Variants in RORA observed in about 807,000 individuals in gnomAD.
The protein encoded by RORA is RAR related orphan receptor A.
A neutral mutation model predicts 69.5 loss-of-function variants in RORA; 7 were observed. That is an observed-to-expected ratio of 0.10 (90% confidence interval 0.06 to 0.19). The LOEUF is 0.19. Ranked by LOEUF, RORA falls within the 10% of genes least tolerant of loss-of-function variation. The pLI is 1.00. For missense variants in RORA, 457 were observed against 663.0 expected (o/e 0.69, Z 3.41); for synonymous variants, 261 against 240.8 (o/e 1.08, Z -0.78).
intron 5 of RORA, among the ~76,000 whole-genome samples, chr15:60,509,708 A>G (rs2065630982): frequency 6.6e-6 from 1 of 152,130 alleles, no homozygotes; most frequent in Admixed American, 6.5e-5. Flanking sequence ...TCATATCTGA[A>G]AATTGTACTT....
chr15:60,500,764 A>G (rs906191596), intron 9 of RORA, among the ~76,000 whole-genome samples, 195 bp downstream of exon 9: 2 of 152,172 alleles, frequency 1.3e-5, no homozygotes, highest in African/African-American at 4.8e-5. Context: ...GGTTTTCTCA[A>G]AAGAATATAT....
At position 60,613,890 on chromosome 15, in the gene RORA, C is replaced by T. The variant is rs340020; in HGVS notation, c.196+64767G>A. On this transcript the variant is annotated intron_variant, in intron 2 of 10. Coordinates refer to ENST00000335670, the MANE Select transcript of RORA (RefSeq NM_134261.3). Reference sequence around the variant, plus strand: ...ATGGGACAATAAATTTCTGCTGCAACCTCAGTAGCCTTTCTTTCAGACAAA... The same window carrying T: ...ATGGGACAATAAATTTCTGCTGCAATCTCAGTAGCCTTTCTTTCAGACAAA... Among the ~76,000 whole-genome samples, 1,045 of 151,606 alleles carry T rather than the reference C, an allele frequency of 6.9e-3. 11 individuals carry two copies. The highest frequency in any genetic ancestry group is 0.024 in the African/African-American group (998 of 41,232).
intron 5 of RORA, 117 bp from the exon 6 acceptor site, chr15:60,505,746 C>T: frequency 8.5e-7 from 1 of 1,180,998 alleles, no homozygotes. Flanking sequence ...CGAGTTTTGA[C>T]TGTCTTTACA....
Position 60,754,611 on chromosome 15 carries a change from A to G in RORA, c.167-75925T>C, listed in dbSNP as rs970031662. On this transcript the variant is annotated intron_variant, in intron 1 of 10. Coordinates refer to ENST00000335670, the MANE Select transcript of RORA (RefSeq NM_134261.3). The stretch of plus-strand genomic sequence containing the variant: ...TCCCTCATTCTTCAGGGACAACTCA[A>G]CTTCCACATCCTTGAGGATACATGT... Among the ~76,000 whole-genome samples the G allele has an allele frequency of 8.5e-5, 13 of 152,090 alleles. 1 individual carries two copies. Among genetic ancestry groups the G allele is most frequent in the African/African-American group, 3.1e-4 (13 of 41,426 alleles).
chr15:60,875,113 A>G (rs755832847), intron 1 of RORA, among the ~76,000 whole-genome samples: 1 of 151,968 alleles, frequency 6.6e-6, no homozygotes, highest in South Asian at 2.1e-4. Flanking sequence ...TAGCTTACTG[A>G]CCCCTAAGTT....
At chr15:60,694,355 G>A (rs924343945) in intron 1 of RORA, among the ~76,000 whole-genome samples, 3 of 152,212 alleles carry the variant, frequency 2.0e-5, no homozygotes, top group Admixed American at 6.5e-5. Context: ...AAAGGTACCC[G>A]GCAAAAAGCA....
chr15:60,518,921 G>A (rs1012362062), intron 3 of RORA, among the ~76,000 whole-genome samples: 2 of 152,162 alleles, frequency 1.3e-5, no homozygotes, highest in Non-Finnish European at 1.5e-5. Flanking sequence ...AGTTACTTGC[G>A]TCAACTGCAG....
At chr15:60,856,026 A>C (rs1235654656) in intron 1 of RORA, among the ~76,000 whole-genome samples, 1 of 152,180 alleles carries the variant, frequency 6.6e-6, no homozygotes, top group Non-Finnish European at 1.5e-5. Context: ...TTGTGATGAA[A>C]GGCCTGGGAA....
chr15:60,995,543 C>T (rs2140374066), intron 1 of RORA, among the ~76,000 whole-genome samples: 1 of 152,304 alleles, frequency 6.6e-6, no homozygotes, highest in African/African-American at 2.4e-5. Context: ...GGGGCTTCCT[C>T]CCGCTCACTT....
At chr15:60,919,182 TG>T (rs1212166734) in intron 1 of RORA, among the ~76,000 whole-genome samples, 1 of 152,202 alleles carries the variant, frequency 6.6e-6, no homozygotes, top group Non-Finnish European at 1.5e-5. Flanking sequence ...GACTATCCTC[TG>T]AGGTTGCTCT....
intron 1 of RORA, among the ~76,000 whole-genome samples, chr15:60,762,197 A>G (rs2071904562): frequency 6.6e-6 from 1 of 152,234 alleles, no homozygotes; most frequent in African/African-American, 2.4e-5. Context: ...TTCAACAAAG[A>G]ATGGAATTTC....
chr15:60,789,880 A>G (rs2072390924), intron 1 of RORA, among the ~76,000 whole-genome samples: 1 of 152,224 alleles, frequency 6.6e-6, no homozygotes, highest in South Asian at 2.1e-4. Context: ...AATTAAATGA[A>G]TAAAGAAAAA....
chr15:61,061,633 T>C lies in RORA; in HGVS notation c.166+167420A>G, dbSNP rs1008889591. On this transcript the variant is annotated intron_variant, in intron 1 of 10. Transcript: ENST00000335670. This position sits in a 1 kb window ranked among gnomAD's most constrained non-coding sequence, Gnocchi z 4.4. Reference sequence around the variant, plus strand: ...CTAGGTATATTAAAAATAATTCAGGTTTACATAATCTATCTCTAATTGCAA... The same window carrying C: ...CTAGGTATATTAAAAATAATTCAGGCTTACATAATCTATCTCTAATTGCAA... 1.2e-4 allele frequency among the ~76,000 whole-genome samples: 18 copies of C among 152,126 alleles called. No individual in the cohort carries two copies. Among genetic ancestry groups the C allele is most frequent in the African/African-American group, 4.3e-4 (18 of 41,424 alleles).
intron 1 of RORA, among the ~76,000 whole-genome samples, chr15:61,016,829 C>T (rs1256651439): frequency 1.3e-5 from 2 of 152,054 alleles, no homozygotes; most frequent in African/African-American, 4.8e-5. Context: ...GTGGAGTAGT[C>T]CCCCTGGTAA....
At chr15:61,123,224 G>C (rs774105437) in intron 1 of RORA, among the ~76,000 whole-genome samples, 48 of 152,052 alleles carry the variant, frequency 3.2e-4, no homozygotes, top group Middle Eastern at 3.2e-3. Context: ...GGTAGGGGGT[G>C]CACCCTACAT....
chr15:61,171,230 A>T (rs1249153333), intron 1 of RORA, among the ~76,000 whole-genome samples: 2 of 152,038 alleles, frequency 1.3e-5, no homozygotes, highest in Non-Finnish European at 2.9e-5. Context: ...GGTGTCCTCC[A>T]CAGCCCTACA....
Position 60,574,882 on chromosome 15 carries a change from A to T in RORA, c.197-43031T>A, listed in dbSNP as rs188343092. The stretch of plus-strand genomic sequence containing the variant: ...CAGATCCATGCTTGCTCTTATGCCT[A>T]TGCCAACTTTCTGAGAGTCTTTCTT... On this transcript the variant is annotated intron_variant, in intron 2 of 10. Coordinates refer to ENST00000335670, the MANE Select transcript of RORA (RefSeq NM_134261.3). Among the ~76,000 whole-genome samples, 608 of 152,246 alleles carry T rather than the reference A, an allele frequency of 4.0e-3. 3 individuals carry two copies. The highest frequency in any genetic ancestry group is 0.014 in the African/African-American group (587 of 41,542).
chr15:61,078,329 CTG>C (rs56676588), intron 1 of RORA, among the ~76,000 whole-genome samples: 7,186 of 133,112 alleles, frequency 0.054, 227 homozygotes, highest in African/African-American at 0.1. Context: ...ACACCTGGCT[CTG>C]TGTGTGTGTG....
intron 2 of RORA, among the ~76,000 whole-genome samples, chr15:60,612,661 GTTTTTTTTTTTTT>G (rs71122864): frequency 9.3e-6 from 1 of 107,168 alleles, no homozygotes; most frequent in Non-Finnish European, 1.9e-5. Context: ...CTCTCTCTCT[GTTTTTTTTTTTTT>G]TTTTTTTTTT....
Sources: gnomAD v4.1 joint callset for allele counts (sites outside exome capture counted in the v4.1 genomes callset) on GRCh38, gnomAD v4.1.1 for gene constraint, Gnocchi (gnomAD v3.1) non-coding constraint, MANE v1.5 for transcripts, NCBI Gene and HGNC (gene_info 2026-07-23, HGNC 2026-07-21) for gene names.